The following SLC36A1 variants were observed in gnomAD, a reference collection of about 807,000 sequenced individuals.
SLC36A1 encodes the protein proton-coupled amino acid transporter 1.
Under a neutral mutation model 47.5 loss-of-function variants are expected in SLC36A1, and 30 were observed. The ratio of observed to expected loss-of-function variants is 0.63; its 90% CI spans 0.47 to 0.86. SLC36A1 has a LOEUF of 0.86. SLC36A1 is among the 40% of genes least tolerant of loss of function. The pLI is 0.00. For synonymous variants in SLC36A1, 255 were observed against 249.7 expected (o/e 1.02, Z -0.20); for missense variants, 517 against 606.0 (o/e 0.85, Z 1.54).
chr5:151,553,285 C>T, the SLC36A1 span: 1 of 1,614,242 alleles, frequency 6.2e-7, no homozygotes, highest in Non-Finnish European at 8.5e-7. Flanking sequence ...TAGGTCTCAT[C>T]AAAGGCCAGA....
At chr5:151,404,838 A>AT in the SLC36A1 span, among the ~76,000 whole-genome samples, 2 of 151,930 alleles carry the variant, frequency 1.3e-5, no homozygotes, top group Non-Finnish European at 2.9e-5. Context: ...TGCCTTTAAG[A>AT]TTTTTTCTTT....
At chr5:151,347,265 C>G in the SLC36A1 span, 1 of 1,613,722 alleles carries the variant, frequency 6.2e-7, no homozygotes, top group East Asian at 2.2e-5. Flanking sequence ...GGCTAGAAAG[C>G]AGAAATAGGG....
the SLC36A1 span, among the ~76,000 whole-genome samples, chr5:151,379,977 G>GA: frequency 2.1e-5 from 3 of 141,938 alleles, no homozygotes; most frequent in African/African-American, 5.3e-5. Flanking sequence ...CAAGCAACTA[G>GA]AAAAAAAAAT....
the SLC36A1 span, among the ~76,000 whole-genome samples, chr5:151,431,727 G>A: frequency 3.9e-5 from 6 of 152,168 alleles, no homozygotes; most frequent in African/African-American, 1.4e-4. Context: ...CGCCATGACT[G>A]TGGGGCCTTC....
the SLC36A1 span, among the ~76,000 whole-genome samples, chr5:151,405,515 C>T: frequency 6.6e-6 from 1 of 151,976 alleles, no homozygotes; most frequent in East Asian, 1.9e-4. Flanking sequence ...CACCCAACAC[C>T]TCTTGAATCT....
At chr5:151,500,787 T>C in the SLC36A1 span, among the ~76,000 whole-genome samples, 7 of 152,326 alleles carry the variant, frequency 4.6e-5, no homozygotes, top group East Asian at 1.2e-3. Context: ...GTAGTGACGG[T>C]CACGATGGTG....
chr5:151,352,755 C>T, the SLC36A1 span, among the ~76,000 whole-genome samples: 1 of 152,316 alleles, frequency 6.6e-6, no homozygotes, highest in East Asian at 1.9e-4. Flanking sequence ...CTGCTTCTAT[C>T]CCATGGGCTT....
chr5:151,521,539 A>G, the SLC36A1 span: 1 of 1,614,172 alleles, frequency 6.2e-7, no homozygotes, highest in Non-Finnish European at 8.5e-7. Flanking sequence ...CCCCTCAAAG[A>G]CCAGGAGCAC....
At chr5:151,476,858 A>T in intron 9 of SLC36A1, 102 bp downstream of exon 9, 1 of 1,407,762 alleles carries the variant, frequency 7.1e-7, no homozygotes, top group Non-Finnish European at 9.8e-7. Flanking sequence ...AAACCAGCCC[A>T]CTTCACTCTA....
chr5:151,407,128 AGT>A, the SLC36A1 span, among the ~76,000 whole-genome samples: 1 of 152,222 alleles, frequency 6.6e-6, no homozygotes. Flanking sequence ...TCATACAGGT[AGT>A]ATGGCCCCAA....
At chr5:151,458,311 CGT>C (rs1491142085) in intron 1 of SLC36A1, among the ~76,000 whole-genome samples, 1 of 43,902 alleles carries the variant, frequency 2.3e-5, no homozygotes, top group Non-Finnish European at 4.2e-5. Flanking sequence ...CGTGTATATA[CGT>C]ATATATATAT....
the SLC36A1 span, among the ~76,000 whole-genome samples, chr5:151,520,040 C>T: frequency 6.6e-6 from 1 of 152,356 alleles, no homozygotes; most frequent in South Asian, 2.1e-4. Flanking sequence ...TTCCCTGAAG[C>T]AGGCCCTGGG....
chr5:151,524,329 C>T, the SLC36A1 span, among the ~76,000 whole-genome samples: 3 of 152,152 alleles, frequency 2.0e-5, no homozygotes, highest in African/African-American at 7.2e-5. Context: ...GTTTTGGACT[C>T]TATGTTTGTG....
the SLC36A1 span, chr5:151,347,570 C>T: frequency 1.1e-3 from 1,551 of 1,415,060 alleles, 5 homozygotes; most frequent in Non-Finnish European, 1.4e-3. Context: ...GGTGTGTGCC[C>T]GGGCTGGCTC....
chr5:151,458,761 G>C, intron 1 of SLC36A1, 27 bp from the exon 2 acceptor site: 1 of 1,609,744 alleles, frequency 6.2e-7, no homozygotes, highest in Non-Finnish European at 8.5e-7. Flanking sequence ...GCTGCAGGAG[G>C]TCTTAATGCT....
At chr5:151,515,183 C>T in the SLC36A1 span, among the ~76,000 whole-genome samples, 7 of 152,298 alleles carry the variant, frequency 4.6e-5, no homozygotes, top group Non-Finnish European at 1.0e-4. Context: ...ATCACTCCTT[C>T]CTTCTTGATA....
chr5:151,470,643 C>G (rs1242545524), intron 7 of SLC36A1, among the ~76,000 whole-genome samples: 2 of 152,214 alleles, frequency 1.3e-5, no homozygotes, highest in East Asian at 3.8e-4. Flanking sequence ...TGTCATACAG[C>G]TAAAGATGCT....
intron 1 of SLC36A1, among the ~76,000 whole-genome samples, chr5:151,452,834 C>T (rs1209062456): frequency 6.7e-6 from 1 of 149,700 alleles, no homozygotes; most frequent in East Asian, 2.0e-4. Context: ...CACACCATTG[C>T]ACTCCAGCCT....
At chr5:151,385,373 A>G in the SLC36A1 span, among the ~76,000 whole-genome samples, 41 of 152,192 alleles carry the variant, frequency 2.7e-4, no homozygotes, top group Non-Finnish European at 5.0e-4. Flanking sequence ...AGGCAGGGAG[A>G]GAAAGTCACA....
Sources: allele counts gnomAD v4.1 joint callset (sites outside exome capture counted in the v4.1 genomes callset), GRCh38; gene constraint gnomAD v4.1.1; transcripts MANE v1.5; gene names NCBI Gene and HGNC (gene_info 2026-07-23, HGNC 2026-07-21).